The following SLC44A3 variants were observed in gnomAD, a reference collection of about 807,000 sequenced individuals.
SLC44A3 encodes the protein choline transporter-like protein 3.
A neutral mutation model predicts 75.4 loss-of-function variants in SLC44A3; 74 were observed. The ratio of observed to expected loss-of-function variants is 0.98; its 90% CI spans 0.81 to 1.19. The LOEUF (loss-of-function observed/expected upper bound fraction) is 1.19, where lower values mean the gene tolerates loss of function less well. Among genes scored for constraint, SLC44A3 ranks in the 50% most tolerant of loss-of-function variants. SLC44A3 has a pLI of 0.00. For missense variants in SLC44A3, 700 were observed against 778.6 expected (o/e 0.90, Z 1.20); for synonymous variants, 310 against 296.9 (o/e 1.04, Z -0.45).
intron 5 of SLC44A3, among the ~76,000 whole-genome samples, chr1:94,835,541 G>C (rs1459228818): frequency 6.6e-6 from 1 of 152,134 alleles, no homozygotes; most frequent in Non-Finnish European, 1.5e-5. Context: ...CAATTTTTTT[G>C]TAACTCTAAA....
At chr1:94,893,024 T>G (rs1253812370) in intron 14 of SLC44A3, among the ~76,000 whole-genome samples, 1 of 152,196 alleles carries the variant, frequency 6.6e-6, no homozygotes, top group Non-Finnish European at 1.5e-5. Context: ...CACACCAGTG[T>G]GAGAAAAGCC....
chr1:94,850,093 A>G (rs1665007505), intron 9 of SLC44A3, among the ~76,000 whole-genome samples: 1 of 152,188 alleles, frequency 6.6e-6, no homozygotes, highest in Non-Finnish European at 1.5e-5. Context: ...ATTAAAAAAA[A>G]TAGGAGTGAA....
intron 9 of SLC44A3, among the ~76,000 whole-genome samples, chr1:94,846,137 ACT>A (rs1350586227): frequency 5.9e-5 from 7 of 118,808 alleles, no homozygotes; most frequent in Admixed American, 9.4e-5. Context: ...ACAGAGCAAG[ACT>A]CTGTCTCAAA....
At chr1:94,851,126 C>A (rs1195846838) in intron 9 of SLC44A3, among the ~76,000 whole-genome samples, 1 of 152,086 alleles carries the variant, frequency 6.6e-6, no homozygotes, top group East Asian at 1.9e-4. Flanking sequence ...CACCCCAACT[C>A]TCCCCCTAAA....
chr1:94,890,848 ACAAG>A (rs531325125), intron 12 of SLC44A3, among the ~76,000 whole-genome samples: 3 of 152,340 alleles, frequency 2.0e-5, no homozygotes, highest in South Asian at 4.1e-4. Context: ...CTGTCTCAAA[ACAAG>A]CAAATAAAAC....
In SLC44A3 at chr1:94,856,387, G is replaced by T. The variant is rs1047917025; in HGVS notation, c.1073-948G>T. Among the ~76,000 whole-genome samples the T allele has an allele frequency of 9.2e-5, 14 of 152,286 alleles. 1 individual carries two copies. Among genetic ancestry groups the T allele is most frequent in the Admixed American group, 7.8e-4 (12 of 15,308 alleles). On this transcript the variant is annotated intron_variant, in intron 9 of 14. Coordinates refer to ENST00000271227, the MANE Select transcript of SLC44A3 (RefSeq NM_001114106.3). ...AACTTGTCCAGGGTTACCCACAAAG[G>T]GGTAAAGCTGGGATCTGAACCTGGG...
At chr1:94,822,332 C>T (rs536743788) in intron 2 of SLC44A3, among the ~76,000 whole-genome samples, 6 of 152,364 alleles carry the variant, frequency 3.9e-5, no homozygotes, top group East Asian at 1.9e-4. Context: ...AATTACATTT[C>T]ATTTGCAAAA....
chr1:94,862,069 G>A (rs748937409), intron 10 of SLC44A3, among the ~76,000 whole-genome samples: 4 of 152,190 alleles, frequency 2.6e-5, no homozygotes, highest in Admixed American at 6.5e-5. Flanking sequence ...GAGTTACCCA[G>A]GCCAGCTAAA....
chr1:94,885,246 G>A (rs1225102494), intron 12 of SLC44A3, among the ~76,000 whole-genome samples: 1 of 58,770 alleles, frequency 1.7e-5, no homozygotes, highest in Non-Finnish European at 3.6e-5. Flanking sequence ...AAAAAAAAGA[G>A]GCAGCAGGGA....
chr1:94,892,649 C>T (rs7551799), intron 14 of SLC44A3, 132 bp downstream of exon 14: 31 of 881,592 alleles, frequency 3.5e-5, no homozygotes, highest in African/African-American at 6.7e-5. Context: ...CTACTACCCC[C>T]GGGCCTGAAA....
At chr1:94,878,901 G>A (rs1373987800) in intron 12 of SLC44A3, among the ~76,000 whole-genome samples, 1 of 152,134 alleles carries the variant, frequency 6.6e-6, no homozygotes, top group East Asian at 1.9e-4. Flanking sequence ...AATGAAGTGG[G>A]ACCCTTACCT....
At chr1:94,864,610 T>A in intron 10 of SLC44A3, 133 bp from the exon 11 acceptor site, 1 of 776,872 alleles carries the variant, frequency 1.3e-6, no homozygotes, top group Non-Finnish European at 2.0e-6. Context: ...TACCAAGGAG[T>A]ATAAAAAGTT....
intron 7 of SLC44A3, 132 bp from the exon 8 acceptor site, chr1:94,841,868 T>G: frequency 1.6e-6 from 2 of 1,241,704 alleles, no homozygotes; most frequent in African/African-American, 1.6e-5. Flanking sequence ...GGTCCGGGTA[T>G]TTGGGACCCA....
chr1:94,880,382 A>G (rs184703457), intron 12 of SLC44A3, among the ~76,000 whole-genome samples: 1 of 152,226 alleles, frequency 6.6e-6, no homozygotes, highest in East Asian at 1.9e-4. Context: ...AAATCCTGTC[A>G]TATGCTACAA....
At chr1:94,870,566 C>T (rs183829814) in intron 12 of SLC44A3, among the ~76,000 whole-genome samples, 58 of 152,332 alleles carry the variant, frequency 3.8e-4, no homozygotes, top group African/African-American at 1.2e-3. Flanking sequence ...CACTGGAGAT[C>T]ACCAGCTACT....
At chr1:94,867,523 T>C in intron 12 of SLC44A3, 106 bp downstream of exon 12, 1 of 779,666 alleles carries the variant, frequency 1.3e-6, no homozygotes, top group Non-Finnish European at 1.9e-6. Flanking sequence ...CTAAATTGTG[T>C]AAACATTTTA....
chr1:94,886,564 T>G (rs949960243), intron 12 of SLC44A3, among the ~76,000 whole-genome samples: 1 of 152,114 alleles, frequency 6.6e-6, no homozygotes, highest in African/African-American at 2.4e-5. Context: ...CGTATGCCAC[T>G]TCCATGAAGC....
At chr1:94,869,428 A>T (rs1667521247) in intron 12 of SLC44A3, among the ~76,000 whole-genome samples, 2 of 152,194 alleles carry the variant, frequency 1.3e-5, no homozygotes, top group South Asian at 4.1e-4. Context: ...TTCAGATTCT[A>T]ATCATGGTGC....
At chr1:94,886,985 G>A (rs550673962) in intron 12 of SLC44A3, among the ~76,000 whole-genome samples, 181 of 152,054 alleles carry the variant, frequency 1.2e-3, no homozygotes, top group African/African-American at 4.2e-3. Flanking sequence ...TGAATTTTGG[G>A]AATAAATCAA....
Sources: gnomAD v4.1 joint callset for allele counts (sites outside exome capture counted in the v4.1 genomes callset) on GRCh38, gnomAD v4.1.1 for gene constraint, MANE v1.5 for transcripts, NCBI Gene and HGNC (gene_info 2026-07-23, HGNC 2026-07-21) for gene names.